Variants in TAS2R1 observed in about 807,000 individuals in gnomAD.
The protein encoded by TAS2R1 is taste 2 receptor member 1.
For missense variants in TAS2R1, 370 were observed against 353.4 expected, an observed-to-expected ratio of 1.05 and a Z score of -0.38; for synonymous variants, 141 against 134.2, an observed-to-expected ratio of 1.05 and a Z score of -0.35.
chr5:9,724,964 G>C, the TAS2R1 span, among the ~76,000 whole-genome samples: 1 of 152,262 alleles, frequency 6.6e-6, no homozygotes, highest in East Asian at 1.9e-4. Flanking sequence ...GAGGCATTTT[G>C]TGGGGCAGCC....
the TAS2R1 span, among the ~76,000 whole-genome samples, chr5:9,818,767 G>A: frequency 6.6e-6 from 1 of 152,330 alleles, no homozygotes; most frequent in African/African-American, 2.4e-5. Flanking sequence ...TGGGGAAATA[G>A]GCCTCACCTC....
chr5:9,860,305 C>T, the TAS2R1 span, among the ~76,000 whole-genome samples: 2 of 152,168 alleles, frequency 1.3e-5, no homozygotes, highest in Non-Finnish European at 2.9e-5. Context: ...CAATACTGCC[C>T]TCCTAGCCTC....
the TAS2R1 span, among the ~76,000 whole-genome samples, chr5:9,725,195 G>A: frequency 2.6e-5 from 4 of 152,234 alleles, no homozygotes; most frequent in Non-Finnish European, 5.9e-5. Flanking sequence ...CCTCTGCTTG[G>A]GCTCCCACTG....
the TAS2R1 span, among the ~76,000 whole-genome samples, chr5:9,815,668 T>A: frequency 6.7e-6 from 1 of 150,120 alleles, no homozygotes; most frequent in African/African-American, 2.5e-5. Context: ...ATTTGTTAAA[T>A]TCTGATCCCT....
chr5:9,802,764 G>A, the TAS2R1 span, among the ~76,000 whole-genome samples: 11 of 152,084 alleles, frequency 7.2e-5, no homozygotes, highest in African/African-American at 2.4e-4. Context: ...TTAGCCGGAC[G>A]TGGTGGCGGG....
rs747752244 is a variant in TAS2R1, at chr5:9,629,122, C to G, written c.*11G>C. The G allele has an allele frequency of 6.5e-7, 1 of 1,534,838 alleles. No homozygotes were observed. Among genetic ancestry groups the G allele is most frequent in the African/African-American group, 1.4e-5 (1 of 72,198 alleles). ...GAATCATGGGTTCTTTGAACTGATC[C>G]AACTTCTCTCTCACTGACAGCACTT... On this transcript the variant is annotated 3_prime_UTR_variant, in exon 1 of 1. Coordinates refer to ENST00000382492, the MANE Select transcript of TAS2R1 (RefSeq NM_019599.3).
chr5:9,846,929 G>A, the TAS2R1 span, among the ~76,000 whole-genome samples: 7 of 152,224 alleles, frequency 4.6e-5, no homozygotes. Flanking sequence ...GTAACCATGG[G>A]CAGCCTCAAA....
chr5:9,761,711 T>C, the TAS2R1 span, among the ~76,000 whole-genome samples: 3 of 152,242 alleles, frequency 2.0e-5, no homozygotes, highest in African/African-American at 7.2e-5. Flanking sequence ...TCTGCCGATG[T>C]GTGAGTGCAT....
chr5:9,761,212 A>C, the TAS2R1 span, among the ~76,000 whole-genome samples: 7 of 152,344 alleles, frequency 4.6e-5, no homozygotes, highest in Admixed American at 2.6e-4. Context: ...GAAGGTTGTG[A>C]CCCAACTGAG....
chr5:9,775,975 G>T, the TAS2R1 span, among the ~76,000 whole-genome samples: 15 of 152,322 alleles, frequency 9.8e-5, no homozygotes, highest in South Asian at 3.1e-3. Flanking sequence ...TCCCTAGGTT[G>T]CATGCTTCCC....
chr5:9,708,464 T>C (rs168788), intron 1 of TAS2R1, among the ~76,000 whole-genome samples: 77,133 of 152,110 alleles, frequency 0.51, 20,561 homozygotes, highest in Non-Finnish European at 0.6. Flanking sequence ...AATATAATCA[T>C]GTCATAAGGC....
the TAS2R1 span, among the ~76,000 whole-genome samples, chr5:9,892,376 AG>A: frequency 6.6e-6 from 1 of 152,184 alleles, no homozygotes; most frequent in Non-Finnish European, 1.5e-5. Context: ...TGCCCCCAAA[AG>A]TTCCTGGGGG....
chr5:9,895,907 G>A, the TAS2R1 span, among the ~76,000 whole-genome samples: 1 of 152,232 alleles, frequency 6.6e-6, no homozygotes, highest in Admixed American at 6.5e-5. Flanking sequence ...GAACGCATCT[G>A]AATTTCAACC....
chr5:9,716,367 C>T (rs1249612165), upstream of TAS2R1, among the ~76,000 whole-genome samples: 1 of 152,024 alleles, frequency 6.6e-6, no homozygotes, highest in African/African-American at 2.4e-5. Flanking sequence ...CCAATAAACC[C>T]TGCTTTTCTC....
the TAS2R1 span, among the ~76,000 whole-genome samples, chr5:9,787,990 C>T: frequency 5.3e-5 from 8 of 152,270 alleles, no homozygotes; most frequent in East Asian, 1.2e-3. Flanking sequence ...ACAATCCAGG[C>T]GATTTTGCAA....
At chr5:9,743,389 T>C in the TAS2R1 span, among the ~76,000 whole-genome samples, 1 of 152,160 alleles carries the variant, frequency 6.6e-6, no homozygotes, top group African/African-American at 2.4e-5. Flanking sequence ...TACATATGTA[T>C]ACATGTGCCA....
chr5:9,815,633 A>G, the TAS2R1 span, among the ~76,000 whole-genome samples: 1 of 152,000 alleles, frequency 6.6e-6, no homozygotes, highest in Admixed American at 6.6e-5. Context: ...ACAGCAAATA[A>G]TATCTACTCA....
upstream of TAS2R1, among the ~76,000 whole-genome samples, chr5:9,633,294 T>TTTTATATATATATATA (rs1554051825): frequency 1.6e-4 from 11 of 67,800 alleles, 1 homozygote; most frequent in South Asian, 4.7e-4. Context: ...TGTGTGTATA[T>TTTTATATATATATATA]TATATATATA....
chr5:9,779,082 G>A, the TAS2R1 span, among the ~76,000 whole-genome samples: 5 of 152,198 alleles, frequency 3.3e-5, no homozygotes, highest in African/African-American at 1.2e-4. Flanking sequence ...GGTGAGAGGT[G>A]TTTGGGCCAT....
Sources: gnomAD v4.1 joint callset for allele counts (sites outside exome capture counted in the v4.1 genomes callset) on GRCh38, gnomAD v4.1.1 for gene constraint, MANE v1.5 for transcripts, NCBI Gene and HGNC (gene_info 2026-07-23, HGNC 2026-07-21) for gene names.